Variants in ZFHX3 observed in about 807,000 individuals in gnomAD.
ZFHX3 encodes the protein zinc finger homeobox protein 3.
A neutral mutation model predicts 279.1 loss-of-function variants in ZFHX3; 42 were observed. The observed-to-expected ratio is 0.15, with a 90% CI of 0.12 to 0.19. The LOEUF (loss-of-function observed/expected upper bound fraction) is 0.19. ZFHX3 is among the 10% of genes least tolerant of loss of function. ZFHX3 has a pLI of 1.00. For synonymous variants in ZFHX3, 2,293 were observed against 1,957.8 expected (o/e 1.17, Z -4.52); for missense variants, 4,981 against 4,754.0 (o/e 1.05, Z -1.40).
At chr16:73,229,936 C>G (rs1481982331) in intron 5 of ZFHX3, among the ~76,000 whole-genome samples, 1 of 151,948 alleles carries the variant, frequency 6.6e-6, no homozygotes, top group African/African-American at 2.4e-5. Flanking sequence ...GGATTGGTAA[C>G]TGATAAGCAA....
chr16:73,429,461 T>G (rs1177716520), intron 3 of ZFHX3, among the ~76,000 whole-genome samples: 1 of 152,038 alleles, frequency 6.6e-6, no homozygotes, highest in Admixed American at 6.5e-5. Context: ...GCCTCCTGAG[T>G]AGCTGGGATT....
intron 4 of ZFHX3, among the ~76,000 whole-genome samples, chr16:73,287,151 TGTGA>T (rs1191327614): frequency 1.4e-5 from 2 of 143,976 alleles, no homozygotes; most frequent in East Asian, 2.2e-4. Context: ...TGTGTGGCTG[TGTGA>T]GTGTGTGGGT....
At chr16:72,808,279 A>C (rs970527777) in intron 7 of ZFHX3, among the ~76,000 whole-genome samples, 1 of 152,188 alleles carries the variant, frequency 6.6e-6, no homozygotes, top group Non-Finnish European at 1.5e-5. Flanking sequence ...CCAGTCCTCA[A>C]ATACGATCTC....
chr16:73,284,821 T>C (rs2014552923), intron 4 of ZFHX3, among the ~76,000 whole-genome samples: 2 of 152,284 alleles, frequency 1.3e-5, no homozygotes. Flanking sequence ...AGGCATATAT[T>C]CTTTTTTTTC....
rs571065447 is a variant in ZFHX3 at position 73,524,627 on chromosome 16, C to G, written c.-1546-68369G>C. Among the ~76,000 whole-genome samples, 64 of 152,346 alleles carry G rather than the reference C, an allele frequency of 4.2e-4. 1 individual carries two copies. In the South Asian group the frequency reaches 0.013, roughly 31 times the overall value. Reference sequence around the variant, plus strand: ...CATCTCATTTCTCTCTAGTGTCCTACTCTACGGAAGCCTCTAGATTTGCTG... The same window carrying G: ...CATCTCATTTCTCTCTAGTGTCCTAGTCTACGGAAGCCTCTAGATTTGCTG... On this transcript the variant is annotated intron_variant, in intron 2 of 17. Transcript: ENST00000641206.
At chr16:73,107,063 T>A (rs2144794571) in intron 7 of ZFHX3, among the ~76,000 whole-genome samples, 1 of 152,314 alleles carries the variant, frequency 6.6e-6, no homozygotes, top group East Asian at 1.9e-4. Context: ...ATGCCTATAA[T>A]CCTAGTACTT....
intron 2 of ZFHX3, among the ~76,000 whole-genome samples, chr16:73,489,803 T>C (rs992247519): frequency 4.1e-4 from 62 of 152,312 alleles, no homozygotes; most frequent in African/African-American, 1.4e-3. Context: ...CTGATAGGTT[T>C]TTTTTTCTGA....
chr16:72,856,444 G>A (rs544123656), intron 4 of ZFHX3, among the ~76,000 whole-genome samples: 1 of 152,342 alleles, frequency 6.6e-6, no homozygotes, highest in South Asian at 2.1e-4. Flanking sequence ...GGTGCAGCTA[G>A]CTTACTCTGT....
chr16:73,512,682 T>C (rs559273919), intron 2 of ZFHX3, among the ~76,000 whole-genome samples: 2 of 152,310 alleles, frequency 1.3e-5, no homozygotes, highest in African/African-American at 4.8e-5. Flanking sequence ...AGTACCTGCC[T>C]GGGCTAGATC....
chr16:72,902,443 C>G (rs184932815), intron 3 of ZFHX3, among the ~76,000 whole-genome samples: 7 of 152,288 alleles, frequency 4.6e-5, no homozygotes, highest in Admixed American at 6.5e-5. Context: ...CTGGCTTCCT[C>G]GCATGGCCCT....
chr16:73,792,008 T>C (rs1303806207), intron 1 of ZFHX3, among the ~76,000 whole-genome samples: 4 of 152,222 alleles, frequency 2.6e-5, no homozygotes, highest in African/African-American at 9.6e-5. Flanking sequence ...GATAAATCAA[T>C]GGCAGAGCCA....
intron 1 of ZFHX3, among the ~76,000 whole-genome samples, chr16:72,989,266 C>T (rs1962976132): frequency 6.6e-6 from 1 of 151,950 alleles, no homozygotes; most frequent in African/African-American, 2.4e-5. Flanking sequence ...GGGTGGATCA[C>T]CTGAGGTCAG....
At chr16:73,485,329 C>T (rs2018953741) in intron 2 of ZFHX3, among the ~76,000 whole-genome samples, 1 of 151,686 alleles carries the variant, frequency 6.6e-6, no homozygotes, top group Admixed American at 6.6e-5. Context: ...GAATACTGGC[C>T]CCCATTCCTT....
intron 1 of ZFHX3, among the ~76,000 whole-genome samples, chr16:72,978,921 T>G (rs377517372): frequency 2.0e-5 from 3 of 152,156 alleles, no homozygotes; most frequent in African/African-American, 7.2e-5. Flanking sequence ...CAGACTCTGG[T>G]CCTCACCTAA....
chr16:73,026,322 G>A (rs1054296903), intron 1 of ZFHX3, among the ~76,000 whole-genome samples: 3 of 149,944 alleles, frequency 2.0e-5, no homozygotes, highest in Non-Finnish European at 3.0e-5. Flanking sequence ...GCAGTGAGCC[G>A]AGATCACACC....
chr16:72,999,329 T>C (rs1228312378), intron 1 of ZFHX3, among the ~76,000 whole-genome samples: 1 of 152,186 alleles, frequency 6.6e-6, no homozygotes, highest in Non-Finnish European at 1.5e-5. Flanking sequence ...GGCTAATTTT[T>C]GTATTTTTAG....
intron 3 of ZFHX3, among the ~76,000 whole-genome samples, chr16:72,891,841 C>A (rs1242790404): frequency 6.6e-6 from 1 of 152,222 alleles, no homozygotes; most frequent in Admixed American, 6.5e-5. Flanking sequence ...GGCAGGCACA[C>A]AACAAACGTC....
chr16:73,241,485 A>T (rs1260979321), intron 5 of ZFHX3, among the ~76,000 whole-genome samples: 7 of 152,042 alleles, frequency 4.6e-5, no homozygotes, highest in Admixed American at 4.6e-4. Flanking sequence ...TTCAGAAACT[A>T]AGAGTAATAA....
chr16:73,064,484 T>G (rs1965722029), upstream of ZFHX3, among the ~76,000 whole-genome samples: 1 of 150,812 alleles, frequency 6.6e-6, no homozygotes. Flanking sequence ...GTTTCATCCC[T>G]GGGGCAAGGG....
Sources: allele counts gnomAD v4.1 joint callset (sites outside exome capture counted in the v4.1 genomes callset), GRCh38; gene constraint gnomAD v4.1.1; transcripts MANE v1.5; gene names NCBI Gene and HGNC (gene_info 2026-07-23, HGNC 2026-07-21).